The following KNL1 variants were observed in gnomAD, a reference collection of about 807,000 sequenced individuals.
The protein encoded by KNL1 is kinetochore scaffold 1, also known as outer kinetochore KNL1 complex subunit KNL1.
In KNL1, 66 loss-of-function variants were observed where a neutral mutation model predicts 201.3. The ratio of observed to expected loss-of-function variants is 0.33; its 90% CI spans 0.27 to 0.40. The LOEUF is 0.40. KNL1 is among the 10% of genes least tolerant of loss of function. KNL1 has a pLI of 1.00. For synonymous variants in KNL1, 895 were observed against 899.2 expected (o/e 1.00, Z 0.08); for missense variants, 2,815 against 2,690.5 (o/e 1.05, Z -1.02).
At chr15:40,600,069 G>A (rs1193744339) in intron 1 of KNL1, among the ~76,000 whole-genome samples, 5 of 138,020 alleles carry the variant, frequency 3.6e-5, no homozygotes, top group African/African-American at 1.3e-4. Flanking sequence ...TATTTATTTG[G>A]GATTCCTTTT....
chr15:40,657,355 A>G lies in KNL1; in HGVS notation c.6595A>G (p.Met2199Val), dbSNP rs375417485. Residue 2199 changes from methionine (M) to valine (V), a missense_variant and splice_region_variant, in exon 24 of 26, where the codon ATG (methionine) becomes GTG (valine). Physicochemically the swap from Met to Val is conservative, Grantham distance 21. Transcript: ENST00000399668. Reference protein sequence around the residue: ...TCTTQHQLPKMLEEFSLVVHH... With the variant: ...TCTTQHQLPKVLEEFSLVVHH... ...GGATTTTTTTTCCCACTTTTTCTAG[A>G]TGCTTGAAGAATTCTCACTGGTAGT... is the stretch of plus-strand genomic sequence containing the variant. The G allele has an allele frequency of 4.5e-6, 7 of 1,564,530 alleles. No individual in the cohort carries two copies. In the African/African-American group the frequency reaches 9.5e-5, roughly 21 times the overall value.
chr15:40,621,738 G>A lies in KNL1; in HGVS notation c.1474G>A (p.Val492Ile). 6.2e-7 allele frequency: 1 copy of A among 1,613,582 alleles called. No individual in the cohort carries two copies. The highest frequency in any genetic ancestry group is 8.5e-7 in the Non-Finnish European group (1 of 1,179,586). Residue 492 changes from valine (V) to isoleucine (I), a missense_variant, in exon 10 of 26, where the codon GTT (valine) becomes ATT (isoleucine). Coordinates refer to ENST00000399668, the MANE Select transcript of KNL1 (RefSeq NM_144508.5). ...ENMDITKSHT[V>I]AIDNQIFKQD... ...CATGGACATTACCAAGAGTCATACA[G>A]TTGCAATAGATAATCAAATTTTTAA...
chr15:40,622,492 C>G lies in KNL1; in HGVS notation c.2228C>G (p.Pro743Arg). ...AEPLRKSLSN[P>R]TPDYCHDKMI... ...CCACTGAGGAAAAGTTTAAGCAATCCCACACCTGACTATTGCCATGACAAG... is the reference window on the plus strand; with the variant it reads ...CCACTGAGGAAAAGTTTAAGCAATCGCACACCTGACTATTGCCATGACAAG... The change falls in exon 10 of 26, where the codon CCC (proline) becomes CGC (arginine). Residue 743 changes from proline to arginine, a missense_variant. Transcript: ENST00000399668. The G allele has an allele frequency of 6.2e-7, 1 of 1,613,962 alleles. No individual in the cohort carries two copies. Among genetic ancestry groups the G allele is most frequent in the Non-Finnish European group, 8.5e-7 (1 of 1,179,928 alleles).
intron 25 of KNL1, among the ~76,000 whole-genome samples, chr15:40,661,836 A>G (rs934191679): frequency 1.3e-5 from 2 of 152,000 alleles, no homozygotes; most frequent in African/African-American, 4.8e-5. Flanking sequence ...AGGCCAGGAG[A>G]TCGAGACCAT....
At chr15:40,612,516 GTTGTTGTTTGT>G (rs1218401229) in intron 7 of KNL1, among the ~76,000 whole-genome samples, 1 of 151,662 alleles carries the variant, frequency 6.6e-6, no homozygotes. Context: ...TTTTGCTGTT[GTTGTTGTTTGT>G]TTGTTGTTTA....
Position 40,628,224 on chromosome 15 carries a change from A to G in KNL1, c.5515+16A>G. The G allele has an allele frequency of 6.4e-7, 1 of 1,572,422 alleles. No homozygotes were observed. On this transcript the variant is annotated intron_variant, in intron 11 of 25. Coordinates refer to ENST00000399668, the MANE Select transcript of KNL1 (RefSeq NM_144508.5). ...GACTTCAGCAGTAAGAGCTTCATGA[A>G]GGCTAAATAATAGCAGCCATCTGCT...
chr15:40,641,895 A>G (rs1037185504), intron 14 of KNL1, among the ~76,000 whole-genome samples: 2 of 152,252 alleles, frequency 1.3e-5, no homozygotes, highest in African/African-American at 4.8e-5. Context: ...TGGTATACGT[A>G]AATACTGCAG....
intron 13 of KNL1, 129 bp downstream of exon 13, chr15:40,629,500 T>C (rs1284829155): frequency 3.1e-5 from 5 of 163,054 alleles, no homozygotes; most frequent in East Asian, 1.7e-4. Flanking sequence ...CTTTTCTTTT[T>C]TTTTTTTTTT....
intron 14 of KNL1, among the ~76,000 whole-genome samples, chr15:40,644,069 G>T (rs1254538341): frequency 6.6e-6 from 1 of 152,190 alleles, no homozygotes; most frequent in Admixed American, 6.6e-5. Context: ...GGGCCCAGGG[G>T]ACCGGCTCTC....
intron 7 of KNL1, among the ~76,000 whole-genome samples, chr15:40,613,796 A>G (rs1892249784): frequency 6.6e-6 from 1 of 150,592 alleles, no homozygotes; most frequent in South Asian, 2.1e-4. Context: ...TTATTATTTT[A>G]TTTTATTTTA....
Position 40,648,775 on chromosome 15 carries a change from C to T in KNL1, c.6095-1526C>T, listed in dbSNP as rs185759078. ...TGAAAGACAGTTTTCATTAATGTTA[C>T]TCCTCTGAAAAACTTCTGTCTTTCC... is the stretch of plus-strand genomic sequence containing the variant. On this transcript the variant is annotated intron_variant, in intron 17 of 25. Coordinates refer to ENST00000399668, the MANE Select transcript of KNL1 (RefSeq NM_144508.5). 4.0e-5 allele frequency among the ~76,000 whole-genome samples: 6 copies of T among 151,770 alleles called. No homozygotes were observed. In the East Asian group the frequency reaches 1.2e-3, roughly 29 times the overall value.
chr15:40,635,684 A>G (rs1006199940), intron 13 of KNL1, among the ~76,000 whole-genome samples: 2 of 152,084 alleles, frequency 1.3e-5, no homozygotes, highest in East Asian at 3.9e-4. Flanking sequence ...AGGGGGAGAG[A>G]TGTGTGCCAG....
At chr15:40,635,157 T>C (rs1360651938) in intron 13 of KNL1, among the ~76,000 whole-genome samples, 1 of 151,740 alleles carries the variant, frequency 6.6e-6, no homozygotes, top group African/African-American at 2.4e-5. Flanking sequence ...CATGCCATTC[T>C]CCTGCCTCAG....
chr15:40,658,844 C>G (rs1364724435), intron 24 of KNL1, among the ~76,000 whole-genome samples: 2 of 151,068 alleles, frequency 1.3e-5, no homozygotes, highest in East Asian at 3.9e-4. Context: ...GCAGGAGAAT[C>G]GCTTGAACCT....
intron 10 of KNL1, among the ~76,000 whole-genome samples, chr15:40,627,218 G>T (rs922867228): frequency 7.2e-5 from 11 of 152,158 alleles, no homozygotes; most frequent in Admixed American, 6.6e-4. Context: ...TTACATAAAA[G>T]AATATATTGT....
At position 40,622,027 on chromosome 15, in the gene KNL1, T is replaced by A. The variant is rs374757048; in HGVS notation, c.1763T>A (p.Leu588His). Residue 588 changes from leucine (L) to histidine (H), a missense_variant, in exon 10 of 26, where the codon CTT (leucine) becomes CAT (histidine). Around this residue, in one of 3 missense-constraint regions of KNL1, gnomAD observed 2,464 missense variants for 2,291.7 expected, o/e 1.08. Coordinates refer to ENST00000399668, the MANE Select transcript of KNL1 (RefSeq NM_144508.5). ...AGTAACTTAGGAAGTCAGGTTCCTC[T>A]TGCAGCTTATAATCTAGCACCGGAG... ...HTSNLGSQVP[L>H]AAYNLAPEST... 3 of 1,614,086 alleles carry A rather than the reference T, an allele frequency of 1.9e-6. No individual in the cohort carries two copies. The East Asian group carries it at 6.7e-5, about 36-fold the overall frequency.
At position 40,625,620 on chromosome 15, in the gene KNL1, G is replaced by A. The variant is rs772173904; in HGVS notation, c.5356G>A (p.Asp1786Asn). ...CAGAAAAAATGAGATTAAGTTTAGT[G>A]ATACGACACAAGATCGGGAGGTGAG... ...KIRKNEIKFS[D>N]TTQDREIFDH... The change falls in exon 10 of 26, where the codon GAT becomes AAT. Residue 1786 changes from aspartate (D) to asparagine (N), a missense_variant. By Grantham distance (23) the Asp-to-Asn change is conservative. This residue lies in a region of KNL1 where 2,464 missense variants were observed against 2,291.7 expected (regional missense o/e 1.08). Transcript: ENST00000399668. 1 of 1,611,126 alleles carries A rather than the reference G, an allele frequency of 6.2e-7. No individual in the cohort carries two copies. The highest frequency in any genetic ancestry group is 1.1e-5 in the South Asian group (1 of 90,316).
At chr15:40,639,838 G>A (rs1440840447) in intron 13 of KNL1, among the ~76,000 whole-genome samples, 1 of 151,966 alleles carries the variant, frequency 6.6e-6, no homozygotes, top group South Asian at 2.1e-4. Context: ...GCTTTGGGAG[G>A]TTGAGGCAGG....
At chr15:40,650,151 C>A in intron 17 of KNL1, 150 bp from the exon 18 acceptor site, 2 of 518,848 alleles carry the variant, frequency 3.9e-6, no homozygotes, top group Non-Finnish European at 6.8e-6. Flanking sequence ...TAGAAACCAT[C>A]AGACTAGAAC....
Sources: allele counts gnomAD v4.1 joint callset (sites outside exome capture counted in the v4.1 genomes callset), GRCh38; gene constraint gnomAD v4.1.1; regional missense constraint gnomAD v4.1.1; transcripts MANE v1.5; gene names NCBI Gene and HGNC (gene_info 2026-07-23, HGNC 2026-07-21).